The following TXNDC11 variants were observed in gnomAD, a reference collection of about 807,000 sequenced individuals.
TXNDC11 encodes the protein thioredoxin domain containing 11.
In TXNDC11, 68 loss-of-function variants were observed where a neutral mutation model predicts 78.0. The observed-to-expected ratio is 0.87, with a 90% confidence interval of 0.72 to 1.07. The LOEUF is 1.07. TXNDC11 is among the 50% of genes least tolerant of loss of function. The probability of loss-of-function intolerance (pLI) is 0.00; values close to 1 mark genes in which losing one functional copy is unlikely to be tolerated. For missense variants in TXNDC11, 1,389 were observed against 1,221.8 expected, an observed-to-expected ratio of 1.14 and a Z score of -2.04; for synonymous variants, 571 against 495.2, an observed-to-expected ratio of 1.15 and a Z score of -2.03.
At chr16:11,688,176 C>T in intron 9 of TXNDC11, 127 bp downstream of exon 9, 1 of 1,069,280 alleles carries the variant, frequency 9.4e-7, no homozygotes, top group Non-Finnish European at 1.4e-6. Flanking sequence ...ATTCACGGTC[C>T]ATAATTGGGC....
chr16:11,699,912 G>A (rs1307026943), intron 6 of TXNDC11, among the ~76,000 whole-genome samples: 1 of 152,232 alleles, frequency 6.6e-6, no homozygotes, highest in Non-Finnish European at 1.5e-5. Flanking sequence ...GCTGAGTTCA[G>A]GCTGCTCCAC....
At chr16:11,699,348 C>T (rs1433473298) in intron 6 of TXNDC11, among the ~76,000 whole-genome samples, 1 of 152,116 alleles carries the variant, frequency 6.6e-6, no homozygotes, top group Non-Finnish European at 1.5e-5. Flanking sequence ...TATATGTAGG[C>T]TGTGTAACAT....
rs1028221076 is a variant in TXNDC11, at chr16:11,691,911, C to T, written c.1279G>A (p.Val427Met). ...AAGGAGTGCCACTGGGGCAGCACCA[C>T]AGTGTTGCAGCAGGGGGACGCTGTG... is the stretch of plus-strand genomic sequence containing the variant. ...TITASPCCNTVVLPQWHSFSR... is the reference protein window; with the variant it reads ...TITASPCCNTMVLPQWHSFSR... Residue 427 changes from valine to methionine, a missense_variant, in exon 8 of 12, where the codon GTG (valine) becomes ATG (methionine). Transcript: ENST00000283033. 1.2e-6 allele frequency: 2 copies of T among 1,613,788 alleles called. No individual in the cohort carries two copies. The highest frequency in any genetic ancestry group is 8.5e-7 in the Non-Finnish European group (1 of 1,179,666).
At chr16:11,720,750 T>C (rs1020290312) in intron 5 of TXNDC11, among the ~76,000 whole-genome samples, 1 of 151,418 alleles carries the variant, frequency 6.6e-6, no homozygotes. Context: ...GTTTTTTTTT[T>C]TGAGACAGGA....
rs746017504 is a variant in TXNDC11 at position 11,688,365 on chromosome 16, A to T, written c.1981T>A (p.Ser661Thr). The T allele has an allele frequency of 6.2e-7, 1 of 1,614,210 alleles. No homozygotes were observed. Among genetic ancestry groups the T allele is most frequent in the Admixed American group, 1.7e-5 (1 of 60,030 alleles). ...GTCACTTCAGTGATTAAATGCTGAG[A>T]CGGGAACTGGGCAGAGCCACTTCCA... is the stretch of plus-strand genomic sequence containing the variant. ...LIGSGSAQFP[S>T]QHLITEVTTD... The change falls in exon 9 of 12, where the codon TCT becomes ACT. Residue 661 changes from serine (S) to threonine (T), a missense_variant. Transcript: ENST00000283033.
intron 7 of TXNDC11, among the ~76,000 whole-genome samples, chr16:11,697,754 C>T (rs1055785611): frequency 5.3e-5 from 8 of 152,222 alleles, no homozygotes; most frequent in African/African-American, 1.2e-4. Context: ...CTAGGCCACA[C>T]TAAACTCGGC....
At chr16:11,739,742 A>G (rs1441987029) in intron 1 of TXNDC11, among the ~76,000 whole-genome samples, 1 of 152,212 alleles carries the variant, frequency 6.6e-6, no homozygotes, top group Non-Finnish European at 1.5e-5. Flanking sequence ...ACAGGTAAGT[A>G]AAGATTAGAT....
intron 1 of TXNDC11, among the ~76,000 whole-genome samples, chr16:11,738,612 C>T (rs972056954): frequency 1.3e-5 from 2 of 151,108 alleles, no homozygotes; most frequent in African/African-American, 2.4e-5. Flanking sequence ...AGCTCTGAGA[C>T]CTGAATGACA....
At chr16:11,731,863 T>C (rs1475811841) in intron 3 of TXNDC11, among the ~76,000 whole-genome samples, 3 of 152,148 alleles carry the variant, frequency 2.0e-5, no homozygotes, top group African/African-American at 4.8e-5. Flanking sequence ...TACTACAAAT[T>C]AGTTCCGTTT....
At chr16:11,721,694 G>GT in intron 4 of TXNDC11, 24 bp from the exon 5 acceptor site, 1 of 1,429,760 alleles carries the variant, frequency 7.0e-7, no homozygotes, top group South Asian at 1.2e-5. Context: ...AGCAGAATTA[G>GT]GTAACTGAGG....
intron 5 of TXNDC11, among the ~76,000 whole-genome samples, chr16:11,709,408 T>G (rs2051273574): frequency 6.9e-6 from 1 of 144,950 alleles, no homozygotes; most frequent in African/African-American, 2.6e-5. Context: ...CCACCATGCG[T>G]AGCTAATTTT....
chr16:11,691,332 A>C lies in TXNDC11; in HGVS notation c.1858T>G (p.Tyr620Asp). The C allele has an allele frequency of 6.2e-7, 1 of 1,614,208 alleles. No homozygotes were observed. Reference protein sequence around the residue: ...AIVDVKEESHYILDPKQALMK... With the variant: ...AIVDVKEESHDILDPKQALMK... ...AGTGCTTGCTTTGGATCCAAGATGTAATGAGATTCTTCTTTCACGTCAACA... is the reference window on the plus strand; with the variant it reads ...AGTGCTTGCTTTGGATCCAAGATGTCATGAGATTCTTCTTTCACGTCAACA... The change falls in exon 8 of 12, where the codon TAC becomes GAC. Residue 620 changes from tyrosine to aspartate, a missense_variant. Transcript: ENST00000283033.
intron 10 of TXNDC11, among the ~76,000 whole-genome samples, chr16:11,685,129 C>T (rs755472832): frequency 8.5e-5 from 13 of 152,160 alleles, no homozygotes; most frequent in Non-Finnish European, 1.5e-4. Context: ...TTTGGGAGGC[C>T]GAGGTGGGTG....
chr16:11,729,990 T>A (rs2051998324), intron 4 of TXNDC11, among the ~76,000 whole-genome samples: 1 of 152,010 alleles, frequency 6.6e-6, no homozygotes, highest in Non-Finnish European at 1.5e-5. Flanking sequence ...ACTACTTGGG[T>A]GGCTGAGGCA....
intron 7 of TXNDC11, among the ~76,000 whole-genome samples, chr16:11,693,467 G>GTGTGTGTC (rs1308013879): frequency 6.6e-6 from 1 of 152,102 alleles, no homozygotes; most frequent in African/African-American, 2.4e-5. Context: ...CTGTGTGTGT[G>GTGTGTGTC]TGTGTGTCTG....
chr16:11,702,282 G>C (rs2051053668), intron 5 of TXNDC11, among the ~76,000 whole-genome samples: 1 of 151,972 alleles, frequency 6.6e-6, no homozygotes, highest in South Asian at 2.1e-4. Flanking sequence ...AAAGTATTTA[G>C]TGTTAAAGGA....
chr16:11,697,692 G>C (rs972306627), intron 7 of TXNDC11, among the ~76,000 whole-genome samples: 17 of 152,228 alleles, frequency 1.1e-4, no homozygotes, highest in African/African-American at 3.9e-4. Flanking sequence ...CTGCTGTCCT[G>C]AGGATGGCCA....
At chr16:11,720,519 G>A (rs2051671699) in intron 5 of TXNDC11, among the ~76,000 whole-genome samples, 4 of 150,066 alleles carry the variant, frequency 2.7e-5, no homozygotes, top group South Asian at 4.2e-4. Context: ...GGGTTCAATC[G>A]ATTCTCCTGC....
intron 5 of TXNDC11, among the ~76,000 whole-genome samples, chr16:11,701,205 C>T (rs938188002): frequency 3.9e-5 from 5 of 126,988 alleles, no homozygotes; most frequent in East Asian, 2.5e-4. Context: ...GGTGCGATAT[C>T]GGCTCACTAC....
Sources: gnomAD v4.1 joint callset for allele counts (sites outside exome capture counted in the v4.1 genomes callset) on GRCh38, gnomAD v4.1.1 for gene constraint, MANE v1.5 for transcripts, NCBI Gene and HGNC (gene_info 2026-07-23, HGNC 2026-07-21) for gene names.